Variants in RNF220 observed in about 807,000 individuals in gnomAD.
RNF220 encodes E3 ubiquitin-protein ligase RNF220.
RNF220 carries 7 observed loss-of-function variants against 67.1 expected under a neutral mutation model. The ratio of observed to expected loss-of-function variants is 0.10; its 90% CI spans 0.06 to 0.20. The LOEUF is 0.20. Among genes scored for constraint, RNF220 ranks in the 10% least tolerant of loss-of-function variants. The probability of loss-of-function intolerance (pLI) is 1.00; values close to 1 mark genes in which losing one functional copy is unlikely to be tolerated. For synonymous variants in RNF220, 270 were observed against 283.2 expected (o/e 0.95, Z 0.47); for missense variants, 565 against 740.3 (o/e 0.76, Z 2.75).
At chr1:44,591,979 C>T (rs1558073066) in intron 2 of RNF220, among the ~76,000 whole-genome samples, 1 of 152,178 alleles carries the variant, frequency 6.6e-6, no homozygotes. Context: ...CTCAAGCCGT[C>T]CCCCATCCTG....
chr1:44,592,105 A>G (rs762902470), intron 2 of RNF220, among the ~76,000 whole-genome samples: 18 of 152,222 alleles, frequency 1.2e-4, no homozygotes, highest in Non-Finnish European at 1.9e-4. Flanking sequence ...AATGAAAGGA[A>G]TGAGAGAAGA....
At chr1:44,551,352 T>G (rs958360561) in intron 2 of RNF220, among the ~76,000 whole-genome samples, 51 of 152,054 alleles carry the variant, frequency 3.4e-4, no homozygotes, top group Middle Eastern at 3.2e-3. Context: ...CGACCTCATG[T>G]GATCCACCCG....
chr1:44,446,560 CT>C (rs1286586874), intron 2 of RNF220, among the ~76,000 whole-genome samples: 6,233 of 137,182 alleles, frequency 0.045, 128 homozygotes, highest in African/African-American at 0.086. Flanking sequence ...TTGGAGTAAC[CT>C]TTTTTTTTTT....
At position 44,649,906 on chromosome 1, in the gene RNF220, G is replaced by A. The variant is rs1340405799; in HGVS notation, c.1578G>A (p.Thr526=). 9.3e-6 allele frequency: 15 copies of A among 1,613,894 alleles called. No individual in the cohort carries two copies. Among genetic ancestry groups the A allele is most frequent in the Admixed American group, 8.3e-5 (5 of 59,996 alleles). Reference sequence around the variant, plus strand: ...AGGACTCGTACTCGATGCCCCTAACGTCCATCCAGTGTTGGCACGTGCACT... The same window carrying A: ...AGGACTCGTACTCGATGCCCCTAACATCCATCCAGTGTTGGCACGTGCACT... ...ICMDSYSMPL[T]SIQCWHVHCE... Residue 526 remains threonine, a synonymous_variant, in exon 14 of 15, where the codon ACG becomes ACA. Transcript: ENST00000361799. This position sits in a 1 kb window ranked among gnomAD's most constrained non-coding sequence, Gnocchi z 5.9.
chr1:44,615,907 T>G (rs1333734709), intron 3 of RNF220, among the ~76,000 whole-genome samples: 1 of 152,234 alleles, frequency 6.6e-6, no homozygotes, highest in Non-Finnish European at 1.5e-5. Flanking sequence ...TGGGTAGTAG[T>G]GGCTACTGGC....
chr1:44,468,333 A>G (rs1000433074), intron 2 of RNF220, among the ~76,000 whole-genome samples: 30 of 152,126 alleles, frequency 2.0e-4, no homozygotes, highest in Admixed American at 5.9e-4. Flanking sequence ...GGCAATATCT[A>G]TCAGCTCTTC....
chr1:44,413,021 A>C (rs1557900279), intron 2 of RNF220, among the ~76,000 whole-genome samples: 1 of 152,150 alleles, frequency 6.6e-6, no homozygotes, highest in Non-Finnish European at 1.5e-5. Context: ...GACGTACTGA[A>C]GTGAATGTCA....
At chr1:44,414,838 C>CT (rs1307900863) in intron 2 of RNF220, among the ~76,000 whole-genome samples, 10 of 150,110 alleles carry the variant, frequency 6.7e-5, no homozygotes, top group East Asian at 3.9e-4. Flanking sequence ...CTGTGTTCTC[C>CT]TTTTTTTTTC....
At chr1:44,460,359 TCCTCTAACAC>T (rs1376395359) in intron 2 of RNF220, among the ~76,000 whole-genome samples, 1 of 152,120 alleles carries the variant, frequency 6.6e-6, no homozygotes, top group Non-Finnish European at 1.5e-5. Flanking sequence ...GGCAGTGACA[TCCTCTAACAC>T]CTGGTACCTG....
At chr1:44,546,058 C>G (rs1198599287) in intron 2 of RNF220, among the ~76,000 whole-genome samples, 2 of 152,174 alleles carry the variant, frequency 1.3e-5, no homozygotes, top group African/African-American at 4.8e-5. Context: ...AGATCATCAC[C>G]AGACCATAGA....
At chr1:44,430,642 T>G (rs923740335) in intron 2 of RNF220, among the ~76,000 whole-genome samples, 3 of 152,136 alleles carry the variant, frequency 2.0e-5, no homozygotes, top group Non-Finnish European at 4.4e-5. Flanking sequence ...GCCTCCTGGG[T>G]TCAAGCAGTT....
chr1:44,636,336 A>G (rs943070170), intron 8 of RNF220, 174 bp downstream of exon 8: 1 of 815,248 alleles, frequency 1.2e-6, no homozygotes, highest in Non-Finnish European at 2.1e-6. Flanking sequence ...TGTGATGTGC[A>G]TATTAAAATG....
intron 2 of RNF220, among the ~76,000 whole-genome samples, chr1:44,529,870 G>A (rs1036970634): frequency 6.6e-6 from 1 of 151,256 alleles, no homozygotes; most frequent in Non-Finnish European, 1.5e-5. Context: ...TGGCAATATG[G>A]CAAAACCCCA....
rs1648210628 is a variant in RNF220, at chr1:44,413,535, G to T, written c.625+813G>T. On this transcript the variant is annotated intron_variant, in intron 2 of 14. Transcript: ENST00000361799. The stretch of plus-strand genomic sequence containing the variant: ...TTTATTTGGAACTTGTAGACTAGGA[G>T]TGCTGAACCCTGCAATCTTTTGCTC... Among the ~76,000 whole-genome samples, 3 of 152,308 alleles carry T rather than the reference G, an allele frequency of 2.0e-5. No individual in the cohort carries two copies. The South Asian group carries it at 6.2e-4, about 32-fold the overall frequency.
At chr1:44,560,706 T>A (rs980504061) in intron 2 of RNF220, among the ~76,000 whole-genome samples, 5 of 152,072 alleles carry the variant, frequency 3.3e-5, no homozygotes, top group African/African-American at 4.8e-5. Flanking sequence ...GGATTACAGG[T>A]GTATGCCACC....
At position 44,600,922 on chromosome 1, in the gene RNF220, C is replaced by T. The variant is rs1666878364; in HGVS notation, c.626-13243C>T. Among the ~76,000 whole-genome samples, 1 of 152,152 alleles carries T rather than the reference C, an allele frequency of 6.6e-6. No individual in the cohort carries two copies. The highest frequency in any genetic ancestry group is 1.5e-5 in the Non-Finnish European group (1 of 68,022). ...CTTCAACAAGTACTTATCTATCACA[C>T]CTCAGCTTGTGTCTCTAGGTTTCTC... is the stretch of plus-strand genomic sequence containing the variant. On this transcript the variant is annotated intron_variant, in intron 2 of 14. Coordinates refer to ENST00000361799, the MANE Select transcript of RNF220 (RefSeq NM_018150.4). This position sits in a 1 kb window ranked among gnomAD's most constrained non-coding sequence, Gnocchi z 4.0.
chr1:44,540,172 C>G (rs1661564496), intron 2 of RNF220, among the ~76,000 whole-genome samples: 1 of 152,218 alleles, frequency 6.6e-6, no homozygotes, highest in Non-Finnish European at 1.5e-5. Flanking sequence ...CAGGATACCT[C>G]TGAGCAGCCT....
At chr1:44,476,739 G>C (rs763831581) in intron 2 of RNF220, among the ~76,000 whole-genome samples, 1 of 152,224 alleles carries the variant, frequency 6.6e-6, no homozygotes, top group Non-Finnish European at 1.5e-5. Flanking sequence ...ATAGCCTTGG[G>C]CTTCAGGTTT....
At chr1:44,550,410 A>G (rs2148253574) in intron 2 of RNF220, among the ~76,000 whole-genome samples, 1 of 152,320 alleles carries the variant, frequency 6.6e-6, no homozygotes, top group South Asian at 2.1e-4. Flanking sequence ...AGTACCATGC[A>G]GCTGGTCTTG....
Sources: gnomAD v4.1 joint callset for allele counts (sites outside exome capture counted in the v4.1 genomes callset) on GRCh38, gnomAD v4.1.1 for gene constraint, Gnocchi (gnomAD v3.1) non-coding constraint, MANE v1.5 for transcripts, NCBI Gene and HGNC (gene_info 2026-07-23, HGNC 2026-07-21) for gene names.